Variants in FAM135B observed in about 807,000 individuals in gnomAD.
FAM135B encodes protein FAM135B.
In FAM135B, 43 loss-of-function variants were observed where a neutral mutation model predicts 127.7. The observed-to-expected ratio is 0.34, with a 90% confidence interval of 0.26 to 0.43. The LOEUF is 0.43. Among genes scored for constraint, FAM135B ranks in the 20% least tolerant of loss-of-function variants. The pLI is 1.00. For missense variants in FAM135B, 1,558 were observed against 1,725.6 expected (o/e 0.90, Z 1.72); for synonymous variants, 670 against 665.1 (o/e 1.01, Z -0.11).
chr8:138,237,192 ACT>A (rs1820366717), intron 7 of FAM135B, among the ~76,000 whole-genome samples: 1 of 124,186 alleles, frequency 8.1e-6, no homozygotes, highest in African/African-American at 3.2e-5. Context: ...ACAGAGTTTC[ACT>A]CTGTCACCCA....
At chr8:138,408,137 A>G (rs887051338) in intron 1 of FAM135B, among the ~76,000 whole-genome samples, 3 of 152,216 alleles carry the variant, frequency 2.0e-5, no homozygotes, top group Admixed American at 1.3e-4. Flanking sequence ...ATCAGCTGCA[A>G]TAGCCCCTAA....
chr8:138,256,659 C>G (rs2130543310), intron 5 of FAM135B, 30 bp downstream of exon 5: 1 of 1,594,866 alleles, frequency 6.3e-7, no homozygotes, highest in African/African-American at 1.3e-5. Flanking sequence ...CACTGTGCTA[C>G]TACAATTCAA....
rs1333897106 is a variant in FAM135B at position 138,367,938 on chromosome 8, T to G, written c.46A>C (p.Lys16Gln). ...GTVEFSVELH[K>Q]FYNVDLFQRG... ...TGAAAGAGATCCACATTATAAAATT[T>G]ATGTAGCTCTACCGAAAACTCAACC... Residue 16 changes from lysine to glutamine, a missense_variant, in exon 2 of 20, where the codon AAA (lysine) becomes CAA (glutamine). Physicochemically the swap from Lys to Gln is moderately conservative, Grantham distance 53. This residue lies in a region of FAM135B where 199 missense variants were observed against 245.7 expected (regional missense o/e 0.81). Transcript: ENST00000395297. The G allele has an allele frequency of 6.2e-7, 1 of 1,613,780 alleles. No individual in the cohort carries two copies. Among genetic ancestry groups the G allele is most frequent in the Admixed American group, 1.7e-5 (1 of 60,014 alleles).
At chr8:138,192,097 G>A (rs1389086624) in intron 9 of FAM135B, among the ~76,000 whole-genome samples, 3 of 152,186 alleles carry the variant, frequency 2.0e-5, no homozygotes, top group Non-Finnish European at 4.4e-5. Flanking sequence ...TTATCTTATA[G>A]AATTGTTTTA....
chr8:138,173,316 C>A (rs568909695), intron 11 of FAM135B, among the ~76,000 whole-genome samples: 4 of 152,270 alleles, frequency 2.6e-5, no homozygotes, highest in South Asian at 4.1e-4. Context: ...GTTCAAAAAT[C>A]TGCATTTCAC....
At position 138,479,448 on chromosome 8, in the gene FAM135B, T is replaced by C. The variant is rs139464087; in HGVS notation, c.-20+17223A>G. Among the ~76,000 whole-genome samples the C allele has an allele frequency of 3.8e-3, 578 of 152,314 alleles. 3 individuals carry two copies. Among genetic ancestry groups the C allele is most frequent in the Middle Eastern group, 0.014 (4 of 294 alleles). ...GGCTTTCCAAAAGTCACGCCATTGA[T>C]ATCAATTCAGACAATGTTGATAGAG... On this transcript the variant is annotated intron_variant, in intron 1 of 19. Coordinates refer to ENST00000395297, the MANE Select transcript of FAM135B (RefSeq NM_015912.4).
chr8:138,400,546 G>A (rs751605117), intron 1 of FAM135B, among the ~76,000 whole-genome samples: 2 of 152,162 alleles, frequency 1.3e-5, no homozygotes, highest in Non-Finnish European at 1.5e-5. Flanking sequence ...CTGAAGAGAT[G>A]AGTCAGTGAA....
At chr8:138,480,175 T>C (rs1272745649) in intron 1 of FAM135B, among the ~76,000 whole-genome samples, 1 of 152,156 alleles carries the variant, frequency 6.6e-6, no homozygotes, top group African/African-American at 2.4e-5. Flanking sequence ...AATTTCCTCA[T>C]GTGAATTCCA....
intron 3 of FAM135B, among the ~76,000 whole-genome samples, chr8:138,276,807 CTAGT>C (rs765009615): frequency 7.9e-5 from 12 of 152,094 alleles, no homozygotes; most frequent in Non-Finnish European, 1.8e-4. Context: ...CAGAGAGTAC[CTAGT>C]CCGAATGCCT....
intron 3 of FAM135B, among the ~76,000 whole-genome samples, chr8:138,286,152 T>C (rs1385309486): frequency 1.3e-5 from 2 of 151,986 alleles, no homozygotes; most frequent in Non-Finnish European, 2.9e-5. Flanking sequence ...AACACTTAAG[T>C]TGTAGATAGG....
At chr8:138,458,914 T>C (rs1195693602) in intron 1 of FAM135B, among the ~76,000 whole-genome samples, 1 of 152,168 alleles carries the variant, frequency 6.6e-6, no homozygotes, top group Non-Finnish European at 1.5e-5. Context: ...CAAAGTGAAG[T>C]GTGGGATTTC....
Position 138,242,793 on chromosome 8 carries a change from A to G in FAM135B, c.669+149T>C. On this transcript the variant is annotated intron_variant, in intron 7 of 19. Transcript: ENST00000395297. The surrounding 1 kb of genome is among the most constrained non-coding windows in gnomAD (Gnocchi z 9.6). ...GTCTGATAGAGCTTGTAGTGATAAA[A>G]ACAAGGGGTGGGAAGATGGTGAAAG... 3.9e-6 allele frequency: 4 copies of G among 1,036,650 alleles called. No individual in the cohort carries two copies. The highest frequency in any genetic ancestry group is 5.4e-6 in the Non-Finnish European group (4 of 739,278). 64.2% of individuals were successfully genotyped at this position (1,036,650 alleles called of 1,614,324 possible).
intron 2 of FAM135B, among the ~76,000 whole-genome samples, chr8:138,324,671 A>T (rs1011086358): frequency 6.6e-6 from 1 of 152,180 alleles, no homozygotes; most frequent in African/African-American, 2.4e-5. Context: ...GGTGGAAACA[A>T]ATATTAATAT....
At chr8:138,479,521 A>G (rs1382327844) in intron 1 of FAM135B, among the ~76,000 whole-genome samples, 2 of 152,186 alleles carry the variant, frequency 1.3e-5, no homozygotes, top group Non-Finnish European at 2.9e-5. Flanking sequence ...TATTGCTCTT[A>G]CCACTTAGGA....
chr8:138,279,368 A>G (rs1824085998), intron 3 of FAM135B, among the ~76,000 whole-genome samples: 1 of 152,192 alleles, frequency 6.6e-6, no homozygotes, highest in African/African-American at 2.4e-5. Flanking sequence ...AAGGTGCTTG[A>G]CATAAGAGGC....
In FAM135B at chr8:138,141,946, A is replaced by G. The variant is rs185310308; in HGVS notation, c.3639-597T>C. 4.7e-4 allele frequency among the ~76,000 whole-genome samples: 71 copies of G among 152,308 alleles called. No homozygotes were observed. The highest frequency in any genetic ancestry group is 6.5e-4 in the Admixed American group (10 of 15,294). ...TTGAGAGCCTATTATATGAGAGGCT[A>G]TACCTCCCCACCTCTACTCATGATG... On this transcript the variant is annotated intron_variant, in intron 16 of 19. Coordinates refer to ENST00000395297, the MANE Select transcript of FAM135B (RefSeq NM_015912.4). This position sits in a 1 kb window ranked among gnomAD's most constrained non-coding sequence, Gnocchi z 4.7.
At chr8:138,263,868 A>C (rs964357858) in intron 4 of FAM135B, among the ~76,000 whole-genome samples, 7 of 152,354 alleles carry the variant, frequency 4.6e-5, no homozygotes, top group African/African-American at 1.7e-4. Context: ...TAGGGCACTC[A>C]GGATGCAAAG....
rs1057494528 is a variant in FAM135B, at chr8:138,331,727, T to C, written c.78-20807A>G. On this transcript the variant is annotated intron_variant, in intron 2 of 19. Coordinates refer to ENST00000395297, the MANE Select transcript of FAM135B (RefSeq NM_015912.4). Reference sequence around the variant, plus strand: ...CCCCAAAGCCTGCATTTTGCTTGTTTGGTTAGTTTAGTTTCTACTTCTTTT... The same window carrying C: ...CCCCAAAGCCTGCATTTTGCTTGTTCGGTTAGTTTAGTTTCTACTTCTTTT... Among the ~76,000 whole-genome samples, 10 of 152,222 alleles carry C rather than the reference T, an allele frequency of 6.6e-5. No individual in the cohort carries two copies. In the South Asian group the frequency reaches 8.3e-4, roughly 13 times the overall value.
intron 2 of FAM135B, among the ~76,000 whole-genome samples, chr8:138,322,244 G>C (rs1563896907): frequency 6.6e-6 from 1 of 152,190 alleles, no homozygotes; most frequent in Non-Finnish European, 1.5e-5. Flanking sequence ...TCTATAAGCA[G>C]TGTTAGTGGA....
Sources: allele counts gnomAD v4.1 joint callset (sites outside exome capture counted in the v4.1 genomes callset), GRCh38; gene constraint gnomAD v4.1.1; regional missense constraint gnomAD v4.1.1; non-coding constraint Gnocchi (gnomAD v3.1); transcripts MANE v1.5; gene names NCBI Gene and HGNC (gene_info 2026-07-23, HGNC 2026-07-21).